The following ZMAT4 variants were observed in gnomAD, a reference collection of about 807,000 sequenced individuals.
ZMAT4 encodes the protein zinc finger matrin-type protein 4.
In ZMAT4, 17 loss-of-function variants were observed where a neutral mutation model predicts 28.7. That is an observed-to-expected ratio of 0.59 (90% CI 0.41 to 0.89). The LOEUF is 0.89. ZMAT4 is among the 40% of genes least tolerant of loss of function. The probability of loss-of-function intolerance (pLI) is 0.00; values close to 1 mark genes in which losing one functional copy is unlikely to be tolerated. For synonymous variants in ZMAT4, 117 were observed against 109.2 expected (o/e 1.07, Z -0.44); for missense variants, 240 against 283.8 (o/e 0.85, Z 1.11).
chr8:40,585,635 AT>A (rs1337931388), intron 5 of ZMAT4, among the ~76,000 whole-genome samples: 1 of 152,118 alleles, frequency 6.6e-6, no homozygotes, highest in East Asian at 1.9e-4. Context: ...CTGACTTTCC[AT>A]TTCACAGGGA....
At position 40,721,087 on chromosome 8, in the gene ZMAT4, C is replaced by T. The variant is rs1427478389; in HGVS notation, c.193-23686G>A. ...TGGTGCACTGCACCCACTAACTCGT[C>T]ATCTAGCATTAGGTATATCTCCCAA... is the stretch of plus-strand genomic sequence containing the variant. On this transcript the variant is annotated intron_variant, in intron 3 of 6. Coordinates refer to ENST00000297737, the MANE Select transcript of ZMAT4 (RefSeq NM_024645.3). 1.7e-3 allele frequency among the ~76,000 whole-genome samples: 243 copies of T among 145,808 alleles called. 1 individual carries two copies. Among genetic ancestry groups the T allele is most frequent in the African/African-American group, 5.4e-3 (211 of 39,198 alleles).
At chr8:40,756,634 T>A (rs1189395224) in intron 3 of ZMAT4, among the ~76,000 whole-genome samples, 4 of 7,816 alleles carry the variant, frequency 5.1e-4, no homozygotes, top group African/African-American at 8.8e-4. Flanking sequence ...AGTGTGTGTG[T>A]GTGTGTGTGT....
intron 2 of ZMAT4, among the ~76,000 whole-genome samples, chr8:40,801,003 C>T (rs1452154249): frequency 1.3e-5 from 2 of 151,822 alleles, no homozygotes; most frequent in African/African-American, 2.4e-5. Context: ...AAAGAGATGA[C>T]ACAAATTACT....
At chr8:40,653,412 A>G (rs1262582190) in intron 5 of ZMAT4, among the ~76,000 whole-genome samples, 1 of 152,124 alleles carries the variant, frequency 6.6e-6, no homozygotes, top group Non-Finnish European at 1.5e-5. Flanking sequence ...ATACATTAGA[A>G]TAGAAGAAGA....
chr8:40,826,594 A>G (rs1245214270), intron 1 of ZMAT4, among the ~76,000 whole-genome samples: 1 of 152,206 alleles, frequency 6.6e-6, no homozygotes, highest in African/African-American at 2.4e-5. Context: ...AAAATTAAAA[A>G]ATACAATCAG....
At chr8:40,550,438 A>G (rs1803332202) in intron 6 of ZMAT4, among the ~76,000 whole-genome samples, 1 of 152,200 alleles carries the variant, frequency 6.6e-6, no homozygotes, top group Non-Finnish European at 1.5e-5. Flanking sequence ...TGCTTCTCAG[A>G]GGAACAGGTC....
chr8:40,780,130 C>T (rs1301890328), intron 2 of ZMAT4, among the ~76,000 whole-genome samples: 6 of 152,158 alleles, frequency 3.9e-5, no homozygotes, highest in African/African-American at 9.7e-5. Context: ...CCTTGACTCA[C>T]GATGGGATTT....
chr8:40,851,143 A>T (rs1435511608), intron 1 of ZMAT4, among the ~76,000 whole-genome samples: 1 of 152,168 alleles, frequency 6.6e-6, no homozygotes, highest in Non-Finnish European at 1.5e-5. Flanking sequence ...CCTGGCCAAC[A>T]TGGTGAAACC....
At chr8:40,831,204 A>G (rs1172856275) in intron 1 of ZMAT4, among the ~76,000 whole-genome samples, 1 of 152,168 alleles carries the variant, frequency 6.6e-6, no homozygotes, top group East Asian at 1.9e-4. Context: ...ACTGAAATGC[A>G]GCTGCCCACT....
chr8:40,881,558 G>A (rs1439918917), intron 1 of ZMAT4, among the ~76,000 whole-genome samples: 1 of 94,388 alleles, frequency 1.1e-5, no homozygotes, highest in South Asian at 3.5e-4. Context: ...AAGAAAGAAA[G>A]AAAGAAAGAA....
chr8:40,758,966 C>T (rs1812808642), intron 3 of ZMAT4, among the ~76,000 whole-genome samples: 1 of 152,118 alleles, frequency 6.6e-6, no homozygotes, highest in Non-Finnish European at 1.5e-5. Flanking sequence ...TGTATTACAT[C>T]AGCCCTTTGG....
At chr8:40,664,875 C>A (rs1245144399) in intron 5 of ZMAT4, among the ~76,000 whole-genome samples, 1 of 152,154 alleles carries the variant, frequency 6.6e-6, no homozygotes, top group Admixed American at 6.5e-5. Flanking sequence ...AGCCTGAGTG[C>A]CCATGCACAG....
chr8:40,883,436 C>A (rs1818348240), intron 1 of ZMAT4, among the ~76,000 whole-genome samples: 3 of 152,210 alleles, frequency 2.0e-5, no homozygotes, highest in African/African-American at 7.2e-5. Flanking sequence ...TCCAGGAAGT[C>A]TCTTCCTCTC....
At position 40,715,047 on chromosome 8, in the gene ZMAT4, C is replaced by CAAAAAAA. The variant is rs10690797; in HGVS notation, c.193-17653_193-17647dup. Among the ~76,000 whole-genome samples, 115 of 73,346 alleles carry CAAAAAAA rather than the reference C, an allele frequency of 1.6e-3. 9 individuals are homozygous for CAAAAAAA. Among genetic ancestry groups the CAAAAAAA allele is most frequent in the Middle Eastern group, 8.8e-3 (1 of 114 alleles). The allele number at this position is 73,346 out of a possible 152,430, so 48.1% of individuals were successfully genotyped here. A position where few individuals can be genotyped will look rare whatever the true frequency, so the allele number is the denominator to read the frequency against. ...CTGGCGACAGAGGGAGACTCTGTCT[C>CAAAAAAA]AAAAAAAAAAAAAAAAAGTGTGTGA... is the stretch of plus-strand genomic sequence containing the variant. On this transcript the variant is annotated intron_variant, in intron 3 of 6. Coordinates refer to ENST00000297737, the MANE Select transcript of ZMAT4 (RefSeq NM_024645.3).
intron 5 of ZMAT4, among the ~76,000 whole-genome samples, chr8:40,590,057 G>C (rs1804838135): frequency 7.4e-6 from 1 of 135,832 alleles, no homozygotes; most frequent in South Asian, 2.3e-4. Context: ...GACTTGCTCT[G>C]CACCCAGGAT....
chr8:40,845,796 AAGAG>A (rs1355528271), intron 1 of ZMAT4, among the ~76,000 whole-genome samples: 11 of 120,596 alleles, frequency 9.1e-5, no homozygotes, highest in East Asian at 2.5e-4. Flanking sequence ...AAAAAAAAAA[AAGAG>A]AGAGAGACTA....
chr8:40,609,873 G>A (rs893839960), intron 5 of ZMAT4, among the ~76,000 whole-genome samples: 2 of 152,108 alleles, frequency 1.3e-5, no homozygotes, highest in Non-Finnish European at 2.9e-5. Flanking sequence ...CCACACAACC[G>A]CAGTGCAGCA....
chr8:40,836,760 G>A (rs1586143169), intron 1 of ZMAT4, among the ~76,000 whole-genome samples: 2 of 152,200 alleles, frequency 1.3e-5, no homozygotes, highest in South Asian at 2.1e-4. Flanking sequence ...GATTGCCTTA[G>A]GTTGGGGAGA....
In ZMAT4 at chr8:40,591,052, G is replaced by T. The variant is rs147595951; in HGVS notation, c.578-9791C>A. Among the ~76,000 whole-genome samples the T allele has an allele frequency of 2.7e-3, 406 of 152,228 alleles. 4 individuals carry two copies. The highest frequency in any genetic ancestry group is 9.3e-3 in the African/African-American group (386 of 41,554). On this transcript the variant is annotated intron_variant, in intron 5 of 6. Coordinates refer to ENST00000297737, the MANE Select transcript of ZMAT4 (RefSeq NM_024645.3). ...CATCTATTAGCCTCATCTGTTTGTG[G>T]TGAGGAGTGGGGTGCTAGTGGCTGA... is the stretch of plus-strand genomic sequence containing the variant.
Sources: allele counts gnomAD v4.1 joint callset (sites outside exome capture counted in the v4.1 genomes callset), GRCh38; gene constraint gnomAD v4.1.1; transcripts MANE v1.5; gene names NCBI Gene and HGNC (gene_info 2026-07-23, HGNC 2026-07-21).